The following CADM2 variants were observed in gnomAD, a reference collection of about 807,000 sequenced individuals.
CADM2 encodes immunoglobulin superfamily member 4D.
In CADM2, 12 loss-of-function variants were observed where a neutral mutation model predicts 49.8. The ratio of observed to expected loss-of-function variants is 0.24; its 90% CI spans 0.15 to 0.39. CADM2 has a LOEUF of 0.39. CADM2 is among the 10% of genes least tolerant of loss of function. CADM2 has a pLI of 1.00. For synonymous variants in CADM2, 214 were observed against 175.4 expected (o/e 1.22, Z -1.74); for missense variants, 378 against 492.3 (o/e 0.77, Z 2.20).
chr3:85,066,866 C>T (rs956386041), intron 1 of CADM2, among the ~76,000 whole-genome samples: 8 of 152,114 alleles, frequency 5.3e-5, no homozygotes, highest in Non-Finnish European at 1.0e-4. Flanking sequence ...ATTTTCCAGA[C>T]GAAGCCATTC....
intron 1 of CADM2, among the ~76,000 whole-genome samples, chr3:85,713,317 T>C (rs544001193): frequency 2.0e-5 from 3 of 152,228 alleles, no homozygotes; most frequent in South Asian, 4.1e-4. Context: ...GACTAACTTT[T>C]TTGTATTTTT....
At chr3:85,890,164 G>GCCCCTTTT (rs1714233323) in intron 5 of CADM2, among the ~76,000 whole-genome samples, 1 of 151,982 alleles carries the variant, frequency 6.6e-6, no homozygotes, top group Non-Finnish European at 1.5e-5. Flanking sequence ...TATTGAAAGG[G>GCCCCTTTT]GAAAGAGCAA....
intron 1 of CADM2, among the ~76,000 whole-genome samples, chr3:85,216,312 A>T (rs987259579): frequency 3.4e-5 from 5 of 146,990 alleles, no homozygotes; most frequent in African/African-American, 9.9e-5. Flanking sequence ...ATATATATTT[A>T]ACATATTAAT....
chr3:85,980,277 T>C (rs1311177793), intron 8 of CADM2, among the ~76,000 whole-genome samples: 1 of 151,526 alleles, frequency 6.6e-6, no homozygotes, highest in Admixed American at 6.6e-5. Context: ...ATGTTTAGCA[T>C]TATTATTCAT....
At chr3:85,766,776 A>G (rs1045819310) in intron 2 of CADM2, among the ~76,000 whole-genome samples, 16 of 152,200 alleles carry the variant, frequency 1.1e-4, no homozygotes, top group African/African-American at 2.9e-4. Flanking sequence ...CTCCATAATT[A>G]TATTGTTGAA....
chr3:85,945,840 C>G (rs576878535), intron 7 of CADM2, among the ~76,000 whole-genome samples: 174 of 152,142 alleles, frequency 1.1e-3, no homozygotes, highest in Admixed American at 2.9e-3. Flanking sequence ...TGGGCAAAAA[C>G]TGGAAGCATT....
At chr3:85,744,836 C>G (rs2068548843) in intron 2 of CADM2, among the ~76,000 whole-genome samples, 1 of 152,050 alleles carries the variant, frequency 6.6e-6, no homozygotes, top group Non-Finnish European at 1.5e-5. Flanking sequence ...GACAAGTAGG[C>G]CAGCTCAAGG....
intron 1 of CADM2, among the ~76,000 whole-genome samples, chr3:85,331,116 C>T (rs886103929): frequency 3.9e-5 from 6 of 151,936 alleles, no homozygotes; most frequent in African/African-American, 4.8e-5. Flanking sequence ...AAACATTTTT[C>T]GTTTATGTTA....
chr3:86,063,099 T>G (rs920745537), intron 8 of CADM2, among the ~76,000 whole-genome samples: 1 of 152,146 alleles, frequency 6.6e-6, no homozygotes, highest in Non-Finnish European at 1.5e-5. Flanking sequence ...TTTTTTCACC[T>G]CGTTTCCTTT....
At chr3:85,747,548 G>T (rs915793570) in intron 2 of CADM2, among the ~76,000 whole-genome samples, 1 of 152,042 alleles carries the variant, frequency 6.6e-6, no homozygotes, top group Non-Finnish European at 1.5e-5. Flanking sequence ...AGAATGAGAG[G>T]CAGAGAATCA....
intron 1 of CADM2, among the ~76,000 whole-genome samples, chr3:85,237,833 T>G (rs1485440520): frequency 6.6e-6 from 1 of 151,894 alleles, no homozygotes; most frequent in East Asian, 1.9e-4. Context: ...TAATTATCAA[T>G]GTAGTTATTT....
intron 1 of CADM2, among the ~76,000 whole-genome samples, chr3:85,080,033 A>G (rs1215174883): frequency 1.3e-5 from 2 of 152,036 alleles, no homozygotes; most frequent in Non-Finnish European, 2.9e-5. Context: ...TGAAGTGTCA[A>G]GAAAAAAAAC....
At chr3:85,822,259 A>G (rs2073625738) in intron 3 of CADM2, among the ~76,000 whole-genome samples, 1 of 152,158 alleles carries the variant, frequency 6.6e-6, no homozygotes, top group African/African-American at 2.4e-5. Flanking sequence ...ATTTTGAAGC[A>G]ATTTCAGCAA....
intron 1 of CADM2, among the ~76,000 whole-genome samples, chr3:85,679,375 G>A (rs2065974700): frequency 6.6e-6 from 1 of 152,138 alleles, no homozygotes; most frequent in Non-Finnish European, 1.5e-5. Context: ...GTGAACTGGG[G>A]TGTGTGGATG....
chr3:85,119,739 G>A (rs1306430921), intron 1 of CADM2, among the ~76,000 whole-genome samples: 1 of 152,118 alleles, frequency 6.6e-6, no homozygotes, highest in Non-Finnish European at 1.5e-5. Flanking sequence ...TTTATTCCTA[G>A]ATGTTTTATT....
intron 1 of CADM2, among the ~76,000 whole-genome samples, chr3:85,165,444 A>G (rs1250978779): frequency 6.6e-6 from 1 of 151,950 alleles, no homozygotes; most frequent in Non-Finnish European, 1.5e-5. Context: ...TCCTAATGTT[A>G]TTCCACTTTA....
At chr3:86,023,677 G>A (rs945273462) in intron 8 of CADM2, among the ~76,000 whole-genome samples, 2 of 152,018 alleles carry the variant, frequency 1.3e-5, no homozygotes, top group African/African-American at 4.8e-5. Flanking sequence ...TTTAACCTTT[G>A]GGAGAAGGAT....
intron 1 of CADM2, among the ~76,000 whole-genome samples, chr3:85,699,213 G>T (rs1430233645): frequency 6.6e-6 from 1 of 152,176 alleles, no homozygotes; most frequent in African/African-American, 2.4e-5. Flanking sequence ...TGACTTTGCA[G>T]GGTTTGGCCT....
intron 1 of CADM2, among the ~76,000 whole-genome samples, chr3:85,547,094 A>AAT (rs142343184): frequency 0.5 from 75,534 of 150,520 alleles, 21,819 homozygotes; most frequent in East Asian, 0.84. Flanking sequence ...TATTTTGATG[A>AAT]ATATATATAT....
Sources: gnomAD v4.1 joint callset for allele counts (sites outside exome capture counted in the v4.1 genomes callset) on GRCh38, gnomAD v4.1.1 for gene constraint, MANE v1.5 for transcripts, NCBI Gene and HGNC (gene_info 2026-07-23, HGNC 2026-07-21) for gene names.